Variants in RBFOX2 observed in about 807,000 individuals in gnomAD.
RBFOX2 encodes the protein RNA binding fox-1 homolog 2.
In RBFOX2, 10 loss-of-function variants were observed where a neutral mutation model predicts 49.1. That is an observed-to-expected ratio of 0.20 (90% CI 0.13 to 0.35). The LOEUF (loss-of-function observed/expected upper bound fraction) is 0.35. RBFOX2 is among the 10% of genes least tolerant of loss of function. The pLI is 1.00. For missense variants in RBFOX2, 323 were observed against 486.9 expected, an observed-to-expected ratio of 0.66 and a Z score of 3.17; for synonymous variants, 183 against 187.4, an observed-to-expected ratio of 0.98 and a Z score of 0.19.
At chr22:35,742,309 C>T (rs1389110981) in exon 12 of RBFOX2, 3 of 152,362 alleles carry the variant, frequency 2.0e-5, no homozygotes, top group Non-Finnish European at 2.9e-5. Flanking sequence ...CTCCCAGTTA[C>T]GAGGCGAGAC....
chr22:35,898,003 C>A, intron 1 of RBFOX2: 1 of 729,626 alleles, frequency 1.4e-6, no homozygotes, highest in Non-Finnish European at 2.5e-6. Flanking sequence ...TTTGGTTTCC[C>A]AGTCTCGTCC....
intron 1 of RBFOX2, among the ~76,000 whole-genome samples, chr22:36,021,680 T>C (rs2059252956): frequency 6.6e-6 from 1 of 152,254 alleles, no homozygotes; most frequent in Non-Finnish European, 1.5e-5. Context: ...TGACTGCTCA[T>C]TCTCTTGAGT....
intron 6 of RBFOX2, among the ~76,000 whole-genome samples, chr22:35,763,752 A>G (rs1289617904): frequency 6.6e-6 from 1 of 152,196 alleles, no homozygotes; most frequent in Non-Finnish European, 1.5e-5. Flanking sequence ...TCTGGGTCTC[A>G]TTTCCTAATA....
At chr22:35,757,295 CT>C (rs1937282788) in intron 9 of RBFOX2, among the ~76,000 whole-genome samples, 1 of 151,486 alleles carries the variant, frequency 6.6e-6, no homozygotes, top group Non-Finnish European at 1.5e-5. Flanking sequence ...TCTGAGGTAC[CT>C]TTGTGCATAC....
At chr22:35,981,935 T>C (rs189210248) in intron 1 of RBFOX2, among the ~76,000 whole-genome samples, 10 of 152,266 alleles carry the variant, frequency 6.6e-5, no homozygotes, top group Admixed American at 3.3e-4. Context: ...GGAAGACTTA[T>C]AAGTCAGGAC....
chr22:35,982,892 A>T (rs899331976), intron 1 of RBFOX2, among the ~76,000 whole-genome samples: 1 of 152,052 alleles, frequency 6.6e-6, no homozygotes, highest in Non-Finnish European at 1.5e-5. Context: ...CCACAGCCCT[A>T]CCATTGAGCT....
chr22:35,889,020 T>C (rs1325313799), intron 1 of RBFOX2, among the ~76,000 whole-genome samples: 1 of 151,910 alleles, frequency 6.6e-6, no homozygotes, highest in Non-Finnish European at 1.5e-5. Flanking sequence ...CTCGGCGTGG[T>C]GTGGGTGCCT....
upstream of RBFOX2, among the ~76,000 whole-genome samples, chr22:35,843,053 C>CA (rs1458944176): frequency 6.6e-6 from 1 of 152,132 alleles, no homozygotes; most frequent in Non-Finnish European, 1.5e-5. Flanking sequence ...GTCTGACTGG[C>CA]ACAATGATAT....
At chr22:35,911,040 G>A (rs1053180902) in intron 1 of RBFOX2, among the ~76,000 whole-genome samples, 2 of 152,108 alleles carry the variant, frequency 1.3e-5, no homozygotes, top group South Asian at 2.1e-4. Flanking sequence ...AATTTTCTAG[G>A]AGGAGATAAA....
At chr22:35,967,241 T>G (rs186367351) in intron 1 of RBFOX2, among the ~76,000 whole-genome samples, 4 of 152,314 alleles carry the variant, frequency 2.6e-5, no homozygotes, top group Non-Finnish European at 1.5e-5. Context: ...AAGAATATCA[T>G]GAAAACATTC....
intron 3 of RBFOX2, among the ~76,000 whole-genome samples, chr22:35,780,704 C>T (rs1944966888): frequency 6.6e-6 from 1 of 152,184 alleles, no homozygotes; most frequent in Non-Finnish European, 1.5e-5. Context: ...ATTTATAACA[C>T]TCTGAAAGGT....
intron 1 of RBFOX2, among the ~76,000 whole-genome samples, chr22:35,881,572 ACT>A (rs1324430266): frequency 1.7e-4 from 25 of 148,940 alleles, no homozygotes; most frequent in African/African-American, 6.2e-4. Context: ...ACAGAATGAG[ACT>A]CTGTCTCCAA....
chr22:35,890,900 C>G (rs2047161052), intron 1 of RBFOX2, among the ~76,000 whole-genome samples: 1 of 152,046 alleles, frequency 6.6e-6, no homozygotes, highest in Non-Finnish European at 1.5e-5. Flanking sequence ...GTTTCCAGGT[C>G]TGCCATTTAC....
intron 2 of RBFOX2, among the ~76,000 whole-genome samples, chr22:35,801,958 G>A (rs544635623): frequency 6.6e-6 from 1 of 152,200 alleles, no homozygotes; most frequent in African/African-American, 2.4e-5. Context: ...CTGTTCACAG[G>A]CACAAATCAA....
At chr22:35,757,156 T>A (rs552002460) in intron 9 of RBFOX2, among the ~76,000 whole-genome samples, 1 of 151,756 alleles carries the variant, frequency 6.6e-6, no homozygotes, top group South Asian at 2.1e-4. Flanking sequence ...GGTAGCTGGT[T>A]AAGAATAGAA....
At chr22:35,995,610 G>A (rs558747707) in intron 1 of RBFOX2, 29 of 153,062 alleles carry the variant, frequency 1.9e-4, no homozygotes, top group Admixed American at 5.2e-4. Context: ...GTGAGTTCTC[G>A]AGTGATCGTT....
intron 1 of RBFOX2, among the ~76,000 whole-genome samples, chr22:35,927,236 A>C (rs2051753244): frequency 1.3e-5 from 2 of 152,218 alleles, no homozygotes; most frequent in South Asian, 4.1e-4. Context: ...AAGGAGAAAC[A>C]TTTCAAACGA....
chr22:35,775,435 A>G (rs919581969), intron 4 of RBFOX2, among the ~76,000 whole-genome samples: 3 of 152,254 alleles, frequency 2.0e-5, no homozygotes, highest in Non-Finnish European at 4.4e-5. Flanking sequence ...GTGAGGACAC[A>G]GCATCAAGCT....
intron 9 of RBFOX2, chr22:35,747,946 CT>C (rs2145855326): frequency 6.6e-6 from 1 of 152,286 alleles, no homozygotes; most frequent in South Asian, 2.1e-4. Context: ...CAACTATTTT[CT>C]AAGGGGACCC....
Sources: allele counts gnomAD v4.1 joint callset (sites outside exome capture counted in the v4.1 genomes callset), GRCh38; gene constraint gnomAD v4.1.1; transcripts MANE v1.5; gene names NCBI Gene and HGNC (gene_info 2026-07-23, HGNC 2026-07-21).